The following LARGE1 variants were observed in gnomAD, a reference collection of about 807,000 sequenced individuals.
LARGE1 encodes the protein xylosyl- and glucuronyltransferase LARGE1.
Under a neutral mutation model 87.6 loss-of-function variants are expected in LARGE1, and 43 were observed. The observed-to-expected ratio is 0.49, with a 90% CI of 0.38 to 0.63. The LOEUF (loss-of-function observed/expected upper bound fraction) is 0.63. Ranked by LOEUF, LARGE1 falls within the 30% of genes least tolerant of loss-of-function variation. The probability of loss-of-function intolerance (pLI) is 0.00; values close to 1 mark genes in which losing one functional copy is unlikely to be tolerated. For synonymous variants in LARGE1, 434 were observed against 394.6 expected (o/e 1.10, Z -1.18); for missense variants, 802 against 1,000.2 (o/e 0.80, Z 2.67).
At chr22:33,574,098 T>C (rs972568603) in intron 5 of LARGE1, among the ~76,000 whole-genome samples, 1 of 152,104 alleles carries the variant, frequency 6.6e-6, no homozygotes, top group African/African-American at 2.4e-5. Flanking sequence ...AGTGAATGAA[T>C]GCTAGGAGGT....
In LARGE1 at chr22:33,545,996, T is replaced by C. The variant is rs576058050; in HGVS notation, c.787+18852A>G. Among the ~76,000 whole-genome samples, 5 of 152,342 alleles carry C rather than the reference T, an allele frequency of 3.3e-5. No homozygotes were observed. In the East Asian group the frequency reaches 7.7e-4, roughly 24 times the overall value. On this transcript the variant is annotated intron_variant, in intron 6 of 14. Coordinates refer to ENST00000397394, the MANE Select transcript of LARGE1 (RefSeq NM_133642.5). ...ATGAATTATTGACATGGCTTCCTAA[T>C]TGGATGCTCGGTTTTGGTTCCTCCA...
chr22:33,089,250 T>C, the LARGE1 span, among the ~76,000 whole-genome samples: 2 of 152,138 alleles, frequency 1.3e-5, no homozygotes, highest in African/African-American at 2.4e-5. Flanking sequence ...AAGTTGTTTC[T>C]TCTGTCTTCT....
chr22:33,429,463 T>A (rs891921092), intron 7 of LARGE1, among the ~76,000 whole-genome samples: 4 of 152,186 alleles, frequency 2.6e-5, no homozygotes, highest in Non-Finnish European at 5.9e-5. Flanking sequence ...TGTCTCCTGA[T>A]GCTACATTCT....
At chr22:33,448,121 T>C (rs1221461379) in intron 6 of LARGE1, among the ~76,000 whole-genome samples, 1 of 152,054 alleles carries the variant, frequency 6.6e-6, no homozygotes, top group Non-Finnish European at 1.5e-5. Flanking sequence ...GATTATTTGG[T>C]GGGTTCGCGG....
chr22:33,210,565 C>T (rs931946512), intron 11 of LARGE1, among the ~76,000 whole-genome samples: 5 of 152,220 alleles, frequency 3.3e-5, no homozygotes, highest in African/African-American at 7.2e-5. Context: ...TTGCCTACCC[C>T]GCCACCAGGC....
At chr22:33,810,228 T>C (rs1569455005) in intron 1 of LARGE1, among the ~76,000 whole-genome samples, 2 of 152,308 alleles carry the variant, frequency 1.3e-5, no homozygotes, top group East Asian at 3.9e-4. Context: ...AAGAAATTGG[T>C]TGAGAGAGTT....
chr22:33,872,191 G>A (rs528171722), intron 1 of LARGE1, among the ~76,000 whole-genome samples: 1 of 151,822 alleles, frequency 6.6e-6, no homozygotes, highest in Non-Finnish European at 1.5e-5. Context: ...GCCATGTGGC[G>A]GCGTGGCTTA....
chr22:33,893,532 G>C (rs1056895391), intron 1 of LARGE1, among the ~76,000 whole-genome samples: 1 of 152,330 alleles, frequency 6.6e-6, no homozygotes. Context: ...GGAAAAAACA[G>C]AGCAGGGTAA....
intron 1 of LARGE1, among the ~76,000 whole-genome samples, chr22:33,776,901 G>C (rs1391640139): frequency 6.6e-6 from 1 of 152,068 alleles, no homozygotes; most frequent in African/African-American, 2.4e-5. Context: ...TACTGACTGG[G>C]GTACATGCTA....
At chr22:33,689,095 T>C (rs2082022605) in intron 2 of LARGE1, among the ~76,000 whole-genome samples, 1 of 151,974 alleles carries the variant, frequency 6.6e-6, no homozygotes, top group Admixed American at 6.6e-5. Flanking sequence ...CTCTTCCTAC[T>C]ATGCCCATAT....
intron 2 of LARGE1, among the ~76,000 whole-genome samples, chr22:33,723,544 T>C (rs377687516): frequency 5.3e-5 from 8 of 152,164 alleles, no homozygotes; most frequent in Admixed American, 3.9e-4. Context: ...ACACACACAC[T>C]GATATCAGGC....
intron 1 of LARGE1, among the ~76,000 whole-genome samples, chr22:33,830,454 A>C (rs1021087119): frequency 4.0e-5 from 6 of 151,796 alleles, no homozygotes; most frequent in African/African-American, 1.5e-4. Flanking sequence ...TTCAAAGCTG[A>C]CTCTTGTGCC....
the LARGE1 span, among the ~76,000 whole-genome samples, chr22:33,125,427 G>A: frequency 6.6e-5 from 10 of 150,810 alleles, no homozygotes; most frequent in Admixed American, 4.7e-4. Context: ...CTGTGAAGAC[G>A]AGTACACATC....
intron 1 of LARGE1, among the ~76,000 whole-genome samples, chr22:33,909,285 G>A (rs1440327942): frequency 1.3e-5 from 2 of 152,120 alleles, no homozygotes; most frequent in Admixed American, 1.3e-4. Context: ...GCCTCCCTGG[G>A]CTTCTGTCCT....
At chr22:33,233,427 T>A (rs1420160125) in intron 11 of LARGE1, among the ~76,000 whole-genome samples, 1 of 152,208 alleles carries the variant, frequency 6.6e-6, no homozygotes, top group African/African-American at 2.4e-5. Flanking sequence ...AGGTGTCATA[T>A]GTTTCCTCCT....
chr22:33,665,696 T>C (rs936942110), intron 2 of LARGE1, among the ~76,000 whole-genome samples: 3 of 152,030 alleles, frequency 2.0e-5, no homozygotes, highest in Non-Finnish European at 4.4e-5. Flanking sequence ...ATGGAGACCA[T>C]CCTGGCTAAC....
intron 6 of LARGE1, among the ~76,000 whole-genome samples, chr22:33,551,834 T>C (rs2077528869): frequency 1.3e-5 from 2 of 151,656 alleles, no homozygotes. Context: ...CTACTAAAAA[T>C]ACAAAAAAAT....
intron 3 of LARGE1, among the ~76,000 whole-genome samples, chr22:33,647,232 T>C (rs756171003): frequency 2.0e-5 from 3 of 152,260 alleles, no homozygotes; most frequent in Non-Finnish European, 2.9e-5. Flanking sequence ...CATGGTTCAC[T>C]GTGACCACAG....
chr22:33,152,695 T>A, the LARGE1 span, among the ~76,000 whole-genome samples: 2 of 152,076 alleles, frequency 1.3e-5, no homozygotes, highest in African/African-American at 2.4e-5. Flanking sequence ...GCATAGAAAA[T>A]TTAATAATTT....
Sources: allele counts gnomAD v4.1 joint callset (sites outside exome capture counted in the v4.1 genomes callset), GRCh38; gene constraint gnomAD v4.1.1; transcripts MANE v1.5; gene names NCBI Gene and HGNC (gene_info 2026-07-23, HGNC 2026-07-21).